The following TMEM181 variants were observed in gnomAD, a reference collection of about 807,000 sequenced individuals.
The protein encoded by TMEM181 is transmembrane protein 181, also known as G protein-coupled receptor 178.
In TMEM181, 39 loss-of-function variants were observed where a neutral mutation model predicts 71.9. The observed-to-expected ratio is 0.54, with a 90% CI of 0.42 to 0.71. The LOEUF (loss-of-function observed/expected upper bound fraction) is 0.71. Ranked by LOEUF, TMEM181 falls within the 30% of genes least tolerant of loss-of-function variation. The pLI is 0.00. For missense variants in TMEM181, 595 were observed against 583.0 expected (o/e 1.02, Z -0.21); for synonymous variants, 245 against 228.8 (o/e 1.07, Z -0.64).
At chr6:158,623,355 G>T (rs1379800286) in intron 10 of TMEM181, among the ~76,000 whole-genome samples, 195 bp from the exon 11 acceptor site, 2 of 152,104 alleles carry the variant, frequency 1.3e-5, no homozygotes, top group African/African-American at 4.8e-5. Flanking sequence ...TGGTAGGATT[G>T]TATAGTTTTT....
intron 6 of TMEM181, among the ~76,000 whole-genome samples, chr6:158,591,577 T>G (rs1022837266): frequency 6.6e-6 from 1 of 151,878 alleles, no homozygotes; most frequent in Non-Finnish European, 1.5e-5. Context: ...GGATTCCAGA[T>G]GGGGTCTGAG....
chr6:158,614,394 AAGAG>A (rs1488489366), intron 10 of TMEM181, among the ~76,000 whole-genome samples: 1 of 152,218 alleles, frequency 6.6e-6, no homozygotes, highest in African/African-American at 2.4e-5. Context: ...AATCCTCTTT[AAGAG>A]AGAAAGTTGA....
chr6:158,589,540 T>C, intron 5 of TMEM181, 132 bp from the exon 6 acceptor site: 1 of 656,700 alleles, frequency 1.5e-6, no homozygotes. Context: ...TGACTTTCTC[T>C]GGGCTTTTGG....
In TMEM181 at chr6:158,577,019, G is replaced by A. The variant is rs186888321; in HGVS notation, c.112+3496G>A. 4.8e-3 allele frequency among the ~76,000 whole-genome samples: 667 copies of A among 139,852 alleles called. 1 individual carries two copies. Among genetic ancestry groups the A allele is most frequent in the African/African-American group, 0.017 (627 of 36,874 alleles). The allele number at this position is 139,852 out of a possible 152,430, so 91.7% of individuals were successfully genotyped here. A position where few individuals can be genotyped will look rare whatever the true frequency, so the allele number is the denominator to read the frequency against. On this transcript the variant is annotated intron_variant, in intron 2 of 16. Coordinates refer to ENST00000684151, the MANE Select transcript of TMEM181 (RefSeq NM_001376852.1). ...AGAGCTTGCAGTGAGCCGAGATTGC[G>A]CCACTGCACTCCAGCCTGGGCAATA...
chr6:158,540,920 A>G (rs535070568), intron 1 of TMEM181, among the ~76,000 whole-genome samples: 9 of 152,214 alleles, frequency 5.9e-5, no homozygotes, highest in Non-Finnish European at 1.0e-4. Flanking sequence ...CACCATACCC[A>G]ACTAATATTT....
intron 10 of TMEM181, among the ~76,000 whole-genome samples, chr6:158,617,941 G>T (rs1391012735): frequency 1.3e-5 from 2 of 152,224 alleles, no homozygotes; most frequent in East Asian, 3.8e-4. Flanking sequence ...GTGCTGAGAA[G>T]AATGTATATT....
chr6:158,604,128 G>C (rs1038227873), intron 6 of TMEM181, among the ~76,000 whole-genome samples: 1 of 152,188 alleles, frequency 6.6e-6, no homozygotes, highest in Admixed American at 6.5e-5. Flanking sequence ...TTCTCTCTCT[G>C]TACAGCTCTC....
chr6:158,628,568 T>C, intron 14 of TMEM181, 78 bp downstream of exon 14: 5 of 1,331,250 alleles, frequency 3.8e-6, no homozygotes, highest in Non-Finnish European at 5.3e-6. Context: ...GATTTGCCCC[T>C]CTCAAGAGGA....
At chr6:158,602,012 C>T (rs117420543) in intron 6 of TMEM181, among the ~76,000 whole-genome samples, 2,343 of 152,228 alleles carry the variant, frequency 0.015, 51 homozygotes, top group Non-Finnish European at 0.019. Flanking sequence ...ACCTGGGAAG[C>T]CGTTCCCACA....
intron 3 of TMEM181, among the ~76,000 whole-genome samples, chr6:158,582,301 A>G (rs1783526827): frequency 6.6e-6 from 1 of 152,124 alleles, no homozygotes; most frequent in African/African-American, 2.4e-5. Context: ...CAGCCATTCC[A>G]CTGAACTGAC....
chr6:158,545,061 G>A (rs1378392697), intron 1 of TMEM181, among the ~76,000 whole-genome samples: 1 of 152,236 alleles, frequency 6.6e-6, no homozygotes, highest in Non-Finnish European at 1.5e-5. Context: ...AGAGGATGCT[G>A]CCCACCGCTC....
At chr6:158,570,764 C>T (rs1268715167) in intron 1 of TMEM181, among the ~76,000 whole-genome samples, 1 of 152,122 alleles carries the variant, frequency 6.6e-6, no homozygotes, top group Non-Finnish European at 1.5e-5. Flanking sequence ...AAGACGTTGA[C>T]CTTGGTGCAG....
At chr6:158,536,816 C>G in exon 1 of TMEM181, 3 of 1,555,346 alleles carry the variant, frequency 1.9e-6, no homozygotes, top group Non-Finnish European at 2.6e-6. Flanking sequence ...GGAAGCGTAC[C>G]GCGAGCTCAA....
rs537400655 is a variant in TMEM181 at position 158,618,819 on chromosome 6, C to T, written c.897-4731C>T. On this transcript the variant is annotated intron_variant, in intron 10 of 16. Coordinates refer to ENST00000684151, the MANE Select transcript of TMEM181 (RefSeq NM_001376852.1). ...TTCTTTAAGAATGTTGAATATTGGC[C>T]CCCACTCTTCTGGCTTGTAGAGTTT... Among the ~76,000 whole-genome samples, 12 of 152,280 alleles carry T rather than the reference C, an allele frequency of 7.9e-5. No homozygotes were observed. In the East Asian group the frequency reaches 2.1e-3, roughly 27 times the overall value.
chr6:158,631,096 C>T (rs574652880), intron 15 of TMEM181, among the ~76,000 whole-genome samples: 12 of 152,336 alleles, frequency 7.9e-5, no homozygotes, highest in East Asian at 1.9e-4. Flanking sequence ...TCCCACAGGC[C>T]GCCTCCCTCA....
At chr6:158,612,522 CTTA>C (rs758935064) in intron 10 of TMEM181, among the ~76,000 whole-genome samples, 35 of 152,160 alleles carry the variant, frequency 2.3e-4, no homozygotes, top group Non-Finnish European at 3.8e-4. Context: ...TAGTCCTAGG[CTTA>C]TTATTAGGAG....
At chr6:158,557,648 C>G (rs1346573046), upstream of TMEM181, among the ~76,000 whole-genome samples, 1 of 152,022 alleles carries the variant, frequency 6.6e-6, no homozygotes, top group Non-Finnish European at 1.5e-5. Context: ...CTCCCAAGTA[C>G]CTGGGATTAC....
At chr6:158,559,964 CGG>C, upstream of TMEM181, 18 of 793,486 alleles carry the variant, frequency 2.3e-5, no homozygotes, top group Non-Finnish European at 2.7e-5. Context: ...GGCTCCGCCC[CGG>C]CACGGGGCCA....
chr6:158,600,458 ATTTTTTTTTTTTTTTT>A (rs61457107), intron 6 of TMEM181, among the ~76,000 whole-genome samples: 2 of 91,854 alleles, frequency 2.2e-5, no homozygotes, highest in Middle Eastern at 8.9e-3. Context: ...CCTAGGGTTA[ATTTTTTTTTTTTTTTT>A]TTTTTTTTTT....
Sources: gnomAD v4.1 joint callset for allele counts (sites outside exome capture counted in the v4.1 genomes callset) on GRCh38, gnomAD v4.1.1 for gene constraint, MANE v1.5 for transcripts, NCBI Gene and HGNC (gene_info 2026-07-23, HGNC 2026-07-21) for gene names.